MAMDC2: variants seen among roughly 807,000 people sequenced by gnomAD.
MAMDC2 encodes MAM domain containing 2.
In MAMDC2, 57 loss-of-function variants were observed where a neutral mutation model predicts 89.8. The ratio of observed to expected loss-of-function variants is 0.63; its 90% CI spans 0.51 to 0.79. The LOEUF (loss-of-function observed/expected upper bound fraction) is 0.79, where lower values mean the gene tolerates loss of function less well. MAMDC2 is among the 30% of genes least tolerant of loss of function. MAMDC2 has a pLI of 0.00. For synonymous variants in MAMDC2, 313 were observed against 293.4 expected, an observed-to-expected ratio of 1.07 and a Z score of -0.68; for missense variants, 800 against 820.6, an observed-to-expected ratio of 0.97 and a Z score of 0.31.
At chr9:70,188,784 T>A (rs1242267995) in intron 11 of MAMDC2, 1 of 149,018 alleles carries the variant, frequency 6.7e-6, no homozygotes, top group Non-Finnish European at 1.5e-5. Context: ...TTTTTTTTTT[T>A]AGAAAGAAGT....
chr9:70,053,957 C>T (rs1826970254), intron 2 of MAMDC2, among the ~76,000 whole-genome samples: 1 of 152,078 alleles, frequency 6.6e-6, no homozygotes, highest in Non-Finnish European at 1.5e-5. Context: ...GTTGGTAGGG[C>T]TTGAGTACTG....
intron 11 of MAMDC2, chr9:70,217,735 A>T: frequency 8.5e-7 from 1 of 1,175,432 alleles, no homozygotes; most frequent in South Asian, 1.3e-5. Flanking sequence ...TATGTTTTCA[A>T]AACTAAAAAA....
At chr9:70,186,430 G>A (rs1237107630) in intron 11 of MAMDC2, among the ~76,000 whole-genome samples, 1 of 152,108 alleles carries the variant, frequency 6.6e-6, no homozygotes, top group Non-Finnish European at 1.5e-5. Flanking sequence ...AGAATTCTAG[G>A]TGAACAATTA....
intron 2 of MAMDC2, among the ~76,000 whole-genome samples, chr9:70,054,437 G>T (rs977430827): frequency 6.6e-6 from 1 of 152,054 alleles, no homozygotes; most frequent in Admixed American, 6.5e-5. Context: ...AAAGGAGGAC[G>T]TGATCAGTGG....
intron 11 of MAMDC2, among the ~76,000 whole-genome samples, chr9:70,193,021 G>A (rs1420965701): frequency 1.3e-5 from 2 of 152,004 alleles, no homozygotes; most frequent in Non-Finnish European, 2.9e-5. Flanking sequence ...TATTGAGGGT[G>A]GGGGGTTCTT....
chr9:70,180,204 T>C (rs925095966), intron 11 of MAMDC2, among the ~76,000 whole-genome samples: 1 of 152,224 alleles, frequency 6.6e-6, no homozygotes, highest in Non-Finnish European at 1.5e-5. Flanking sequence ...CATTCTTTTT[T>C]ATGGCTGCAT....
intron 9 of MAMDC2, chr9:70,153,854 T>A (rs552849267): frequency 1.3e-5 from 2 of 152,234 alleles, no homozygotes; most frequent in Admixed American, 6.5e-5. Context: ...TCTCATCTTA[T>A]GTCTCGTGGA....
chr9:70,068,050 C>A (rs62570272), intron 2 of MAMDC2, among the ~76,000 whole-genome samples: 1 of 152,168 alleles, frequency 6.6e-6, no homozygotes, highest in African/African-American at 2.4e-5. Flanking sequence ...CTCGTCTGAG[C>A]TGATACAAAT....
chr9:70,151,907 T>C lies in MAMDC2; in HGVS notation c.1404+8088T>C, dbSNP rs137950802. On this transcript the variant is annotated intron_variant, in intron 9 of 13. Transcript: ENST00000377182. ...TGCTTTTTGTGACCTCTGAACCCAT[T>C]CTAAAGCATGTCAGGTGTGTTCTTG... 7.0e-3 allele frequency among the ~76,000 whole-genome samples: 1,061 copies of C among 152,242 alleles called. 13 individuals carry two copies. Among genetic ancestry groups the C allele is most frequent in the African/African-American group, 0.025 (1,023 of 41,540 alleles).
At position 70,223,572 on chromosome 9, in the gene MAMDC2, T is replaced by C. The variant is rs767913544; in HGVS notation, c.1912-2178T>C. On this transcript the variant is annotated intron_variant, in intron 12 of 13. Coordinates refer to ENST00000377182, the MANE Select transcript of MAMDC2 (RefSeq NM_153267.5). ...TCCCATGTTAAAACTTTGAATGACA[T>C]TGAGCTAGCAGTTCACATGGTGTCT... 4.6e-5 allele frequency among the ~76,000 whole-genome samples: 7 copies of C among 152,186 alleles called. No homozygotes were observed. The South Asian group carries it at 8.3e-4, about 18-fold the overall frequency.
At chr9:70,125,345 A>C (rs1223531927) in intron 5 of MAMDC2, among the ~76,000 whole-genome samples, 1 of 152,198 alleles carries the variant, frequency 6.6e-6, no homozygotes, top group Non-Finnish European at 1.5e-5. Flanking sequence ...CATTCTAGAG[A>C]TCAGGAAATT....
chr9:70,151,808 T>A lies in MAMDC2; in HGVS notation c.1404+7989T>A, dbSNP rs560552907. Among the ~76,000 whole-genome samples, 3 of 152,170 alleles carry A rather than the reference T, an allele frequency of 2.0e-5. No homozygotes were observed. In the South Asian group the frequency reaches 6.2e-4, roughly 32 times the overall value. On this transcript the variant is annotated intron_variant, in intron 9 of 13. Coordinates refer to ENST00000377182, the MANE Select transcript of MAMDC2 (RefSeq NM_153267.5). Reference sequence around the variant, plus strand: ...TTGACATTTTAGAATGCAGTCTAGCTTAAGGTCCCCCAGATGATCTAGTAG... The same window carrying A: ...TTGACATTTTAGAATGCAGTCTAGCATAAGGTCCCCCAGATGATCTAGTAG...
chr9:70,051,115 G>T (rs1014311541), intron 2 of MAMDC2, among the ~76,000 whole-genome samples: 1 of 152,176 alleles, frequency 6.6e-6, no homozygotes, highest in Non-Finnish European at 1.5e-5. Flanking sequence ...TGGCCTTCCT[G>T]TCAATCAGTC....
intron 3 of MAMDC2, 24 bp downstream of exon 3, chr9:70,108,506 T>C (rs1828406871): frequency 8.4e-6 from 13 of 1,549,024 alleles, no homozygotes; most frequent in South Asian, 1.3e-5. Context: ...AGGAGAAAGA[T>C]ATAAGGCCTA....
intron 5 of MAMDC2, among the ~76,000 whole-genome samples, chr9:70,123,890 C>T (rs1165042484): frequency 2.6e-5 from 4 of 152,202 alleles, no homozygotes; most frequent in Non-Finnish European, 5.9e-5. Context: ...GGAACAATCC[C>T]TGCTGACACC....
At chr9:70,206,708 C>A (rs534756718) in intron 11 of MAMDC2, among the ~76,000 whole-genome samples, 1 of 152,112 alleles carries the variant, frequency 6.6e-6, no homozygotes, top group South Asian at 2.1e-4. Flanking sequence ...TATACATGTG[C>A]CATGTTGGTG....
chr9:70,187,253 C>T (rs1032009585), intron 11 of MAMDC2, among the ~76,000 whole-genome samples: 5 of 151,864 alleles, frequency 3.3e-5, no homozygotes, highest in African/African-American at 9.7e-5. Flanking sequence ...ATTATATATC[C>T]TTCATGCTCT....
chr9:70,054,496 A>T (rs1826982668), intron 2 of MAMDC2, among the ~76,000 whole-genome samples: 1 of 152,182 alleles, frequency 6.6e-6, no homozygotes, highest in South Asian at 2.1e-4. Flanking sequence ...ATAGTTGGTA[A>T]AGACTTCTCA....
intron 6 of MAMDC2, among the ~76,000 whole-genome samples, chr9:70,128,730 C>A (rs4744980): frequency 6.6e-6 from 1 of 152,006 alleles, no homozygotes; most frequent in Non-Finnish European, 1.5e-5. Flanking sequence ...GATCTTGGCT[C>A]ACTGCAACCT....
Sources: gnomAD v4.1 joint callset for allele counts (sites outside exome capture counted in the v4.1 genomes callset) on GRCh38, gnomAD v4.1.1 for gene constraint, MANE v1.5 for transcripts, NCBI Gene and HGNC (gene_info 2026-07-23, HGNC 2026-07-21) for gene names.